The following MTA3 variants were observed in gnomAD, a reference collection of about 807,000 sequenced individuals.
The protein encoded by MTA3 is metastasis associated 1 family member 3.
MTA3 carries 34 observed loss-of-function variants against 83.5 expected under a neutral mutation model. That is an observed-to-expected ratio of 0.41 (90% CI 0.31 to 0.54). MTA3 has a LOEUF of 0.54. Ranked by LOEUF, MTA3 falls within the 20% of genes least tolerant of loss-of-function variation. The pLI is 0.33. For missense variants in MTA3, 761 were observed against 726.4 expected (o/e 1.05, Z -0.55); for synonymous variants, 303 against 252.7 (o/e 1.20, Z -1.89).
At chr2:42,580,657 A>G (rs1679516851) in intron 3 of MTA3, among the ~76,000 whole-genome samples, 1 of 151,842 alleles carries the variant, frequency 6.6e-6, no homozygotes, top group Admixed American at 6.6e-5. Flanking sequence ...GTGCAATGAC[A>G]TGATCTCAGC....
intron 6 of MTA3, among the ~76,000 whole-genome samples, chr2:42,653,003 T>C (rs1688855652): frequency 6.6e-6 from 1 of 152,244 alleles, no homozygotes; most frequent in South Asian, 2.1e-4. Flanking sequence ...TCCTTAGTTC[T>C]TCAGAGTATT....
Position 42,755,673 on chromosome 2 carries a change from T to G in MTA3, c.*2274T>G. ...TGCCGAGGCGCCTCTAGTCTGTGCC[T>G]TTGCCGTTGGAAGCATTTGGTGCTG... is the stretch of plus-strand genomic sequence containing the variant. On this transcript the variant is annotated 3_prime_UTR_variant, in exon 17 of 17. Transcript: ENST00000405094. 1 of 985,506 alleles carries G rather than the reference T, an allele frequency of 1.0e-6. No homozygotes were observed. The highest frequency in any genetic ancestry group is 4.7e-5 in the South Asian group (1 of 21,288). 61.0% of individuals were successfully genotyped at this position (985,506 alleles called of 1,614,324 possible).
chr2:42,665,120 C>T (rs1470327046), intron 8 of MTA3, among the ~76,000 whole-genome samples: 1 of 152,182 alleles, frequency 6.6e-6, no homozygotes, highest in Non-Finnish European at 1.5e-5. Flanking sequence ...GAATATAGGG[C>T]TGGGCAGTGT....
intron 14 of MTA3, among the ~76,000 whole-genome samples, chr2:42,716,869 T>C (rs967604997): frequency 1.3e-5 from 2 of 152,172 alleles, no homozygotes; most frequent in Non-Finnish European, 2.9e-5. Flanking sequence ...TGTTGGGTGA[T>C]AGTTCTGTTT....
In MTA3 at chr2:42,500,743, A is replaced by T. The variant is rs377735255; in HGVS notation, c.-141+5489A>T. The stretch of plus-strand genomic sequence containing the variant: ...TATTAGAAACACTTTATTAACAAGT[A>T]CAGCATAGTACATTACACCGAGAAA... On this transcript the variant is annotated intron_variant, in intron 2 of 17. Coordinates refer to the MTA3 transcript ENST00000405592. Among the ~76,000 whole-genome samples, 6 of 152,136 alleles carry T rather than the reference A, an allele frequency of 3.9e-5. No homozygotes were observed. In the East Asian group the frequency reaches 9.6e-4, roughly 24 times the overall value.
At chr2:42,559,666 G>T (rs970405103) in intron 2 of MTA3, among the ~76,000 whole-genome samples, 4 of 151,698 alleles carry the variant, frequency 2.6e-5, no homozygotes, top group African/African-American at 9.7e-5. Context: ...ATCACCTGAG[G>T]TCGGGAGTTC....
intron 4 of MTA3, among the ~76,000 whole-genome samples, chr2:42,624,321 T>C (rs1685870950): frequency 6.6e-6 from 1 of 152,148 alleles, no homozygotes; most frequent in Non-Finnish European, 1.5e-5. Flanking sequence ...TTTTTAATTT[T>C]TTAATTTTTT....
chr2:42,655,763 C>T (rs1323627073), intron 6 of MTA3, among the ~76,000 whole-genome samples: 4 of 152,108 alleles, frequency 2.6e-5, no homozygotes, highest in South Asian at 4.1e-4. Context: ...CTACCACACC[C>T]GGCTAATTTT....
In MTA3 at chr2:42,723,031, G is replaced by A; in HGVS notation, c.1755G>A (p.Leu585=). 4 of 1,550,642 alleles carry A rather than the reference G, an allele frequency of 2.6e-6. No homozygotes were observed. Among genetic ancestry groups the A allele is most frequent in the South Asian group, 2.4e-5 (2 of 84,036 alleles). The part of the protein sequence containing the change: ...GKRNYSHHNG[L]DELTCCVSD ...GAAACTACAGTCATCACAATGGTCTGGATGGTATGTAAGCCCAGGAATTCT... is the reference window on the plus strand; with the variant it reads ...GAAACTACAGTCATCACAATGGTCTAGATGGTATGTAAGCCCAGGAATTCT... Residue 585 remains leucine (L), a synonymous_variant, in exon 16 of 17, where the codon CTG becomes CTA. Coordinates refer to ENST00000405094, the MANE Select transcript of MTA3 (RefSeq NM_001330442.2).
At position 42,756,555 on chromosome 2, in the gene MTA3, G is replaced by A; in HGVS notation, c.*3156G>A. The A allele has an allele frequency of 1.0e-6, 1 of 985,858 alleles. No individual in the cohort carries two copies. Among genetic ancestry groups the A allele is most frequent in the Admixed American group, 6.1e-5 (1 of 16,286 alleles). 61.1% of individuals were successfully genotyped at this position (985,858 alleles called of 1,614,324 possible). A position where few individuals can be genotyped will look rare whatever the true frequency, so the allele number is the denominator to read the frequency against. On this transcript the variant is annotated 3_prime_UTR_variant, in exon 17 of 17. Coordinates refer to ENST00000405094, the MANE Select transcript of MTA3 (RefSeq NM_001330442.2). ...CTGCTGTCCTAAGTCCCTGGCGAGG[G>A]GAGGTGGAGGAGCTGCCCCGTGGGT...
chr2:42,607,642 CCTGT>C (rs1461963729), intron 3 of MTA3, among the ~76,000 whole-genome samples: 3 of 152,298 alleles, frequency 2.0e-5, no homozygotes, highest in East Asian at 1.9e-4. Flanking sequence ...TCACACCTGG[CCTGT>C]CTAACTTTAA....
chr2:42,569,549 A>C (rs781290856), intron 1 of MTA3: 1 of 152,194 alleles, frequency 6.6e-6, no homozygotes, highest in African/African-American at 2.4e-5. Context: ...TTCTCTGCTC[A>C]TTAGCCGAGC....
chr2:42,752,050 A>T (rs765768229), intron 16 of MTA3, among the ~76,000 whole-genome samples: 3 of 152,148 alleles, frequency 2.0e-5, no homozygotes, highest in Admixed American at 6.5e-5. Context: ...CAAGTTCTTA[A>T]CCTTTCTGAC....
intron 2 of MTA3, among the ~76,000 whole-genome samples, chr2:42,535,599 G>C (rs12996453): frequency 0.36 from 54,952 of 151,984 alleles, 10,074 homozygotes; most frequent in South Asian, 0.41. Context: ...TTGGCTAGAA[G>C]TTGGTCAGAT....
chr2:42,691,288 G>T (rs1003424105), intron 9 of MTA3, among the ~76,000 whole-genome samples: 1 of 152,128 alleles, frequency 6.6e-6, no homozygotes, highest in Non-Finnish European at 1.5e-5. Context: ...AGGATTACAG[G>T]CGTGAGCCAC....
At chr2:42,534,836 C>A (rs1461358035) in intron 2 of MTA3, among the ~76,000 whole-genome samples, 1 of 151,998 alleles carries the variant, frequency 6.6e-6, no homozygotes, top group African/African-American at 2.4e-5. Flanking sequence ...GTTGCCTAGG[C>A]TGGTCTTGAA....
chr2:42,689,797 G>C (rs1340034554), intron 9 of MTA3, among the ~76,000 whole-genome samples: 1 of 111,338 alleles, frequency 9.0e-6, no homozygotes, highest in African/African-American at 3.5e-5. Context: ...CTTTTTTCTT[G>C]ATCAGTCTGG....
intron 2 of MTA3, among the ~76,000 whole-genome samples, chr2:42,571,947 C>CA (rs1260024595): frequency 0.017 from 1,716 of 98,696 alleles, 12 homozygotes; most frequent in Non-Finnish European, 0.023. Flanking sequence ...AACTCCGTCT[C>CA]AAAAAAAAAA....
intron 3 of MTA3, among the ~76,000 whole-genome samples, chr2:42,593,253 G>A (rs1041629224): frequency 6.6e-6 from 1 of 151,970 alleles, no homozygotes; most frequent in Non-Finnish European, 1.5e-5. Context: ...TTGGGAGGCC[G>A]AGGTGGGCGG....
Sources: gnomAD v4.1 joint callset for allele counts (sites outside exome capture counted in the v4.1 genomes callset) on GRCh38, gnomAD v4.1.1 for gene constraint, MANE v1.5 for transcripts, NCBI Gene and HGNC (gene_info 2026-07-23, HGNC 2026-07-21) for gene names.